The following PDGFRA variants were observed in gnomAD, a reference collection of about 807,000 sequenced individuals.
PDGFRA encodes the protein platelet derived growth factor receptor alpha.
PDGFRA carries 25 observed loss-of-function variants against 121.5 expected under a neutral mutation model. That is an observed-to-expected ratio of 0.21 (90% CI 0.15 to 0.29). The LOEUF is 0.29. PDGFRA is among the 10% of genes least tolerant of loss of function. The pLI, the probability that PDGFRA is intolerant of heterozygous loss-of-function variation, is 1.00. For synonymous variants in PDGFRA, 463 were observed against 494.8 expected, an observed-to-expected ratio of 0.94 and a Z score of 0.85; for missense variants, 1,008 against 1,345.1, an observed-to-expected ratio of 0.75 and a Z score of 3.92.
chr4:54,263,931 C>G lies in PDGFRA; in HGVS notation c.628+4C>G, dbSNP rs368210930. 2.5e-6 allele frequency: 4 copies of G among 1,612,576 alleles called. No individual in the cohort carries two copies. Among genetic ancestry groups the G allele is most frequent in the Non-Finnish European group, 3.4e-6 (4 of 1,179,232 alleles). On this transcript the variant is annotated splice_donor_region_variant and intron_variant, in intron 4 of 22. Transcript: ENST00000257290. ...TTTAATGTTTATGCTTTAAAAGGTACTTGTATCATCTCCTTCCTTCTTTAA... is the reference window on the plus strand; with the variant it reads ...TTTAATGTTTATGCTTTAAAAGGTAGTTGTATCATCTCCTTCCTTCTTTAA...
At chr4:54,232,928 C>G (rs1720767745) in intron 1 of PDGFRA, among the ~76,000 whole-genome samples, 1 of 152,210 alleles carries the variant, frequency 6.6e-6, no homozygotes, top group Non-Finnish European at 1.5e-5. Flanking sequence ...GCTAGCTCTC[C>G]TCAGCATTCC....
In PDGFRA at chr4:54,271,016, T is replaced by C. The variant is rs1565669; in HGVS notation, c.1237+268T>C. ...TAGAGATGGAGTCTTGCCATGTTGC[T>C]CAGGCTGGTCTCCTGGGTTCAAGCT... On this transcript the variant is annotated intron_variant, in intron 8 of 22. Transcript: ENST00000257290. Among the ~76,000 whole-genome samples, 26,095 of 152,016 alleles carry C rather than the reference T, an allele frequency of 0.17. 2,680 individuals carry two copies. The highest frequency in any genetic ancestry group is 0.28 in the Admixed American group (4,327 of 15,280).
At chr4:54,280,239 T>TTGTAGGTCCCCAG in intron 15 of PDGFRA, 77 bp from the exon 16 acceptor site, 1 of 1,148,180 alleles carries the variant, frequency 8.7e-7, no homozygotes, top group African/African-American at 1.5e-5. Flanking sequence ...ACCTGGCACA[T>TTGTAGGTCCCCAG]AATCATCATC....
At chr4:54,256,685 G>A (rs1036638685) in intron 1 of PDGFRA, among the ~76,000 whole-genome samples, 2 of 151,990 alleles carry the variant, frequency 1.3e-5, no homozygotes, top group African/African-American at 4.8e-5. Flanking sequence ...AATGAGCTGG[G>A]TGTGGTGGTT....
At chr4:54,246,143 T>C (rs920467292) in intron 1 of PDGFRA, among the ~76,000 whole-genome samples, 28 of 152,082 alleles carry the variant, frequency 1.8e-4, no homozygotes, top group African/African-American at 6.8e-4. Context: ...CCACTGTCAA[T>C]ATTAGACAGA....
Position 54,296,483 on chromosome 4 carries a change from CT to C in PDGFRA, c.*1214del, listed in dbSNP as rs1724890984. 2 of 220,878 alleles carry C rather than the reference CT, an allele frequency of 9.1e-6. No individual in the cohort carries two copies. Among genetic ancestry groups the C allele is most frequent in the East Asian group, 1.3e-4 (2 of 15,116 alleles). 13.7% of individuals were successfully genotyped at this position (220,878 alleles called of 1,614,324 possible). ...AGGATGCCCAGACATCAGCCTCCTT[CT>C]TTCACCCCTTACCCCAAAGAGAAAG... On this transcript the variant is annotated 3_prime_UTR_variant, in exon 23 of 23. Coordinates refer to ENST00000257290, the MANE Select transcript of PDGFRA (RefSeq NM_006206.6).
At chr4:54,289,421 A>G (rs372544665) in intron 21 of PDGFRA, among the ~76,000 whole-genome samples, 12 of 152,310 alleles carry the variant, frequency 7.9e-5, no homozygotes, top group Admixed American at 3.3e-4. Flanking sequence ...CCATTACATC[A>G]CTAATTTGAG....
intron 4 of PDGFRA, 50 bp from the exon 5 acceptor site, chr4:54,264,869 C>A (rs2110256963): frequency 2.0e-6 from 3 of 1,519,260 alleles, no homozygotes; most frequent in Non-Finnish European, 2.7e-6. Flanking sequence ...TTTATAAGAT[C>A]CTGGCTATCC....
chr4:54,260,817 G>A (rs1722658419), intron 2 of PDGFRA, among the ~76,000 whole-genome samples: 1 of 152,112 alleles, frequency 6.6e-6, no homozygotes, highest in South Asian at 2.1e-4. Context: ...ACACATAAGA[G>A]TCTGAAATAT....
chr4:54,261,645 T>A (rs945563548), intron 3 of PDGFRA, among the ~76,000 whole-genome samples: 6 of 151,914 alleles, frequency 3.9e-5, no homozygotes, highest in Admixed American at 1.3e-4. Context: ...TGTCCTGTAT[T>A]GATACTGTAT....
chr4:54,263,953 T>C (rs2110254361), intron 4 of PDGFRA, 26 bp downstream of exon 4: 5 of 1,609,374 alleles, frequency 3.1e-6, no homozygotes, highest in African/African-American at 1.3e-5. Flanking sequence ...CCTTCCTTCT[T>C]TAAATAAGAG....
chr4:54,263,438 A>G (rs1031061647), intron 3 of PDGFRA, among the ~76,000 whole-genome samples: 1 of 152,120 alleles, frequency 6.6e-6, no homozygotes, highest in African/African-American at 2.4e-5. Flanking sequence ...ATTGATATTT[A>G]TCATCAGTAT....
intron 1 of PDGFRA, among the ~76,000 whole-genome samples, chr4:54,248,770 G>A (rs1416221661): frequency 6.6e-6 from 1 of 152,122 alleles, no homozygotes; most frequent in African/African-American, 2.4e-5. Flanking sequence ...TACCATCAGA[G>A]TGAATAGGCA....
intron 2 of PDGFRA, among the ~76,000 whole-genome samples, chr4:54,260,477 G>A (rs1303103524): frequency 7.2e-6 from 1 of 139,034 alleles, no homozygotes; most frequent in Non-Finnish European, 1.5e-5. Context: ...GAGGCTGACT[G>A]CAACCTCAAT....
chr4:54,291,680 G>A (rs1373755454), intron 22 of PDGFRA, among the ~76,000 whole-genome samples: 1 of 152,198 alleles, frequency 6.6e-6, no homozygotes, highest in African/African-American at 2.4e-5. Flanking sequence ...ACTGCTTGTT[G>A]AAGTGCAAAT....
chr4:54,246,539 C>G (rs1560455249), intron 1 of PDGFRA, among the ~76,000 whole-genome samples: 4 of 152,098 alleles, frequency 2.6e-5, no homozygotes, highest in Admixed American at 1.3e-4. Context: ...ACACAACATA[C>G]CAGAATCTCT....
intron 12 of PDGFRA, among the ~76,000 whole-genome samples, chr4:54,276,038 G>A (rs1105825): frequency 0.15 from 23,401 of 152,126 alleles, 2,152 homozygotes; most frequent in African/African-American, 0.23. Flanking sequence ...TGTAAAACCT[G>A]AGGTCAGTGC....
intron 2 of PDGFRA, among the ~76,000 whole-genome samples, chr4:54,259,930 TATCTGTACTCTGCTTAC>T (rs762663135): frequency 8.7e-4 from 133 of 152,354 alleles, no homozygotes; most frequent in Non-Finnish European, 1.6e-3. Flanking sequence ...ATGGGTTTAT[TATCTGTACTCTGCTTAC>T]ACAGTCCAAA....
chr4:54,271,683 C>T (rs1193192122), intron 8 of PDGFRA, among the ~76,000 whole-genome samples: 1 of 148,318 alleles, frequency 6.7e-6, no homozygotes, highest in Non-Finnish European at 1.5e-5. Context: ...TTCTTCCCTC[C>T]CTCCTTTGTT....
Sources: allele counts gnomAD v4.1 joint callset (sites outside exome capture counted in the v4.1 genomes callset), GRCh38; gene constraint gnomAD v4.1.1; transcripts MANE v1.5; gene names NCBI Gene and HGNC (gene_info 2026-07-23, HGNC 2026-07-21).